The following CDH26 variants were observed in gnomAD, a reference collection of about 807,000 sequenced individuals.
The protein encoded by CDH26 is cadherin 26, also known as cadherin-like protein 26.
In CDH26, 83 loss-of-function variants were observed where a neutral mutation model predicts 90.3. That is an observed-to-expected ratio of 0.92 (90% CI 0.77 to 1.10). CDH26 has a LOEUF of 1.10. CDH26 is among the 50% of genes least tolerant of loss of function. CDH26 has a pLI of 0.00. For synonymous variants in CDH26, 397 were observed against 396.3 expected, an observed-to-expected ratio of 1.00 and a Z score of -0.02; for missense variants, 1,013 against 1,037.6, an observed-to-expected ratio of 0.98 and a Z score of 0.33.
At chr20:59,990,258 C>T (rs1252770457) in intron 9 of CDH26, among the ~76,000 whole-genome samples, 4 of 152,226 alleles carry the variant, frequency 2.6e-5, no homozygotes, top group African/African-American at 4.8e-5. Context: ...ACTCATCCAT[C>T]GATGGGCACT....
chr20:59,973,253 G>A (rs1488344328), intron 4 of CDH26, among the ~76,000 whole-genome samples: 2 of 152,202 alleles, frequency 1.3e-5, no homozygotes, highest in Non-Finnish European at 2.9e-5. Flanking sequence ...CCATGCTGCT[G>A]TTCCTCGGGC....
Position 59,995,817 on chromosome 20 carries a change from C to G in CDH26, c.1667-16C>G. The G allele has an allele frequency of 6.2e-7, 1 of 1,611,264 alleles. No individual in the cohort carries two copies. Among genetic ancestry groups the G allele is most frequent in the Admixed American group, 1.7e-5 (1 of 60,024 alleles). ...TGAGTGAGTCAATGCATGCCATGTT[C>G]TTTTTCCCTTTGCAGGTCAATCAGT... On this transcript the variant is annotated splice_polypyrimidine_tract_variant and intron_variant, in intron 11 of 17. Transcript: ENST00000348616.
At chr20:59,991,657 C>A (rs1810810155) in intron 9 of CDH26, among the ~76,000 whole-genome samples, 2 of 152,176 alleles carry the variant, frequency 1.3e-5, no homozygotes, top group African/African-American at 4.8e-5. Context: ...AACATTTGCC[C>A]AGAAGATGAA....
At position 59,982,227 on chromosome 20, in the gene CDH26, C is replaced by T. The variant is rs6027221; in HGVS notation, c.394-696C>T. ...TCAAAGAATCGCTTTTGGTTACATGCGATTACGTTGGTTACTTTCTCTATT... is the reference window on the plus strand; with the variant it reads ...TCAAAGAATCGCTTTTGGTTACATGTGATTACGTTGGTTACTTTCTCTATT... On this transcript the variant is annotated intron_variant, in intron 4 of 17. Transcript: ENST00000348616. 7.6e-3 allele frequency among the ~76,000 whole-genome samples: 1,160 copies of T among 152,192 alleles called. 13 individuals are homozygous for T. The highest frequency in any genetic ancestry group is 0.024 in the African/African-American group (1,017 of 41,518).
At chr20:60,014,579 C>T (rs2061889184), downstream of CDH26, 1 of 152,080 alleles carries the variant, frequency 6.6e-6, no homozygotes. Context: ...TGGCTTATTT[C>T]TCTTAACATA....
intron 17 of CDH26, among the ~76,000 whole-genome samples, chr20:60,011,760 G>A (rs1488525697): frequency 1.3e-5 from 2 of 152,172 alleles, no homozygotes; most frequent in African/African-American, 4.8e-5. Flanking sequence ...CATTGAGGGA[G>A]GGACGTGGGA....
intron 7 of CDH26, chr20:60,031,132 C>T (rs779149280): frequency 9.9e-7 from 1 of 1,011,828 alleles, no homozygotes; most frequent in Non-Finnish European, 1.2e-6. Context: ...CATTTGTAAA[C>T]TGTCATGGTG....
At chr20:60,006,576 A>G (rs6027235) in intron 16 of CDH26, 137 bp from the exon 17 acceptor site, 24,868 of 645,268 alleles carry the variant, frequency 0.039, 1,427 homozygotes, top group African/African-American at 0.21. Context: ...TGAGCAAACT[A>G]CCCTGGGCCT....
At chr20:59,979,743 T>G (rs1277259188) in intron 4 of CDH26, among the ~76,000 whole-genome samples, 2 of 150,198 alleles carry the variant, frequency 1.3e-5, no homozygotes, top group Non-Finnish European at 3.0e-5. Context: ...TCTCCTGCCT[T>G]AGTCTCCTGA....
chr20:60,031,498 T>A (rs113967963), intron 8 of CDH26: 8 of 1,043,032 alleles, frequency 7.7e-6, no homozygotes, highest in African/African-American at 3.4e-5. Context: ...AATTCAGGCG[T>A]TCAAGTTAAT....
At chr20:59,975,384 G>A (rs1342234899) in intron 4 of CDH26, among the ~76,000 whole-genome samples, 3 of 152,142 alleles carry the variant, frequency 2.0e-5, no homozygotes, top group African/African-American at 7.2e-5. Flanking sequence ...CCGAAGCCAG[G>A]AGAGGCCCGG....
At chr20:59,994,999 G>A (rs1275714856) in intron 11 of CDH26, among the ~76,000 whole-genome samples, 1 of 152,212 alleles carries the variant, frequency 6.6e-6, no homozygotes, top group African/African-American at 2.4e-5. Context: ...TGAACATGCT[G>A]AGCAGGTTAA....
At chr20:60,004,087 C>G (rs913971019) in intron 16 of CDH26, among the ~76,000 whole-genome samples, 2 of 152,182 alleles carry the variant, frequency 1.3e-5, no homozygotes, top group African/African-American at 2.4e-5. Context: ...ACTGAGGGCA[C>G]AGCATCTCCA....
chr20:60,000,659 T>A (rs952307903), intron 14 of CDH26, among the ~76,000 whole-genome samples: 3 of 152,194 alleles, frequency 2.0e-5, no homozygotes, highest in Admixed American at 2.0e-4. Flanking sequence ...AGGGGCAATC[T>A]TGCTTCCCTA....
At chr20:59,976,622 GC>G (rs2061331503) in intron 4 of CDH26, among the ~76,000 whole-genome samples, 2 of 152,302 alleles carry the variant, frequency 1.3e-5, no homozygotes, top group African/African-American at 4.8e-5. Flanking sequence ...GAGTGAGAAA[GC>G]CAATTTATTT....
At chr20:59,963,457 C>A (rs1267540174) in intron 1 of CDH26, among the ~76,000 whole-genome samples, 2 of 151,902 alleles carry the variant, frequency 1.3e-5, no homozygotes, top group Admixed American at 6.6e-5. Context: ...TGCCATATTG[C>A]CCATAGAACA....
At position 60,013,313 on chromosome 20, in the gene CDH26, A is replaced by G. The variant is rs2061872679; in HGVS notation, c.*583A>G. On this transcript the variant is annotated 3_prime_UTR_variant, in exon 18 of 18. Coordinates refer to ENST00000348616, the MANE Select transcript of CDH26 (RefSeq NM_177980.4). ...AATGATTATGCTGAAAGCTTTATAA[A>G]CAGTATACTCTTTAAAAAATGAAGA... is the stretch of plus-strand genomic sequence containing the variant. 6.6e-6 allele frequency: 1 copy of G among 152,294 alleles called. No homozygotes were observed. The highest frequency in any genetic ancestry group is 6.5e-5 in the Admixed American group (1 of 15,298). The allele number at this position is 152,294 out of a possible 1,614,324, so 9.4% of individuals were successfully genotyped here. A position where few individuals can be genotyped will look rare whatever the true frequency, so the allele number is the denominator to read the frequency against.
At position 59,983,085 on chromosome 20, in the gene CDH26, G is replaced by C. The variant is rs756733929; in HGVS notation, c.541+15G>C. 1 of 1,611,152 alleles carries C rather than the reference G, an allele frequency of 6.2e-7. No homozygotes were observed. Among genetic ancestry groups the C allele is most frequent in the Non-Finnish European group, 8.5e-7 (1 of 1,178,342 alleles). ...CCAATCTGCAGGTGTGTGCGGCTGG[G>C]GGGCTGCCGGGCTTCCTTCTGTCTC... On this transcript the variant is annotated intron_variant, in intron 5 of 17. Transcript: ENST00000348616.
At position 59,985,144 on chromosome 20, in the gene CDH26, C is replaced by A; in HGVS notation, c.837+15C>A. On this transcript the variant is annotated intron_variant, in intron 7 of 17. Coordinates refer to ENST00000348616, the MANE Select transcript of CDH26 (RefSeq NM_177980.4). The stretch of plus-strand genomic sequence containing the variant: ...CCCAGGAGAACGTGAGGCTCCTGGG[C>A]CGCCCCAACGTCTAAGCCCCAAAAC... The A allele has an allele frequency of 6.2e-7, 1 of 1,612,208 alleles. No homozygotes were observed. Among genetic ancestry groups the A allele is most frequent in the Non-Finnish European group, 8.5e-7 (1 of 1,179,440 alleles).
Sources: gnomAD v4.1 joint callset for allele counts (sites outside exome capture counted in the v4.1 genomes callset) on GRCh38, gnomAD v4.1.1 for gene constraint, MANE v1.5 for transcripts, NCBI Gene and HGNC (gene_info 2026-07-23, HGNC 2026-07-21) for gene names.